NIPBL: variants seen among roughly 807,000 people sequenced by gnomAD.
NIPBL encodes nipped-B-like protein.
A neutral mutation model predicts 321.8 loss-of-function variants in NIPBL; 19 were observed. The ratio of observed to expected loss-of-function variants is 0.06; its 90% confidence interval spans 0.04 to 0.09. The LOEUF (loss-of-function observed/expected upper bound fraction) is 0.09, where lower values mean the gene tolerates loss of function less well. Ranked by LOEUF, NIPBL falls within the 10% of genes least tolerant of loss-of-function variation. The probability of loss-of-function intolerance (pLI) is 1.00; values close to 1 mark genes in which losing one functional copy is unlikely to be tolerated. For missense variants in NIPBL, 2,210 were observed against 3,327.0 expected, an observed-to-expected ratio of 0.66 and a Z score of 8.26; for synonymous variants, 1,106 against 1,114.1, an observed-to-expected ratio of 0.99 and a Z score of 0.14.
intron 9 of NIPBL, among the ~76,000 whole-genome samples, chr5:36,980,301 A>T (rs1015967124): frequency 2.0e-5 from 3 of 151,698 alleles, no homozygotes; most frequent in Non-Finnish European, 4.4e-5. Context: ...TTGACATTCA[A>T]TTTTGGTGAA....
At chr5:36,984,631 A>G (rs1744533595) in intron 9 of NIPBL, 45 bp from the exon 10 acceptor site, 9 of 1,526,616 alleles carry the variant, frequency 5.9e-6, no homozygotes, top group Non-Finnish European at 8.1e-6. Flanking sequence ...ATAAGATAAG[A>G]ATACATGTCT....
intron 1 of NIPBL, among the ~76,000 whole-genome samples, chr5:36,952,018 C>CTGTGTGTGTGTGTG (rs60067315): frequency 0.019 from 1,890 of 101,674 alleles, 35 homozygotes; most frequent in East Asian, 0.037. Context: ...CTCTGTTAAA[C>CTGTGTGTGTGTGTG]TGTGTGTGTG....
chr5:37,050,531 G>T (rs920379788), intron 40 of NIPBL, among the ~76,000 whole-genome samples: 1 of 150,562 alleles, frequency 6.6e-6, no homozygotes, highest in African/African-American at 2.4e-5. Context: ...GTGATACGAT[G>T]AATTCCTTTA....
intron 9 of NIPBL, among the ~76,000 whole-genome samples, chr5:36,983,985 A>G (rs1216216450): frequency 6.6e-6 from 1 of 151,968 alleles, no homozygotes; most frequent in African/African-American, 2.4e-5. Flanking sequence ...TAAATTTTCT[A>G]TACCTATGAA....
intron 38 of NIPBL, 76 bp from the exon 39 acceptor site, chr5:37,048,426 T>A: frequency 1.8e-5 from 16 of 901,854 alleles, no homozygotes; most frequent in East Asian, 3.6e-5. Context: ...GTTTATATAA[T>A]TTATTAACAT....
chr5:37,026,868 G>A (rs1359323669), intron 31 of NIPBL, among the ~76,000 whole-genome samples: 4 of 151,190 alleles, frequency 2.6e-5, no homozygotes, highest in Non-Finnish European at 5.9e-5. Context: ...CCTGTGAATA[G>A]GCACTACACT....
intron 1 of NIPBL, among the ~76,000 whole-genome samples, chr5:36,882,810 G>A (rs1024465765): frequency 6.6e-6 from 1 of 151,634 alleles, no homozygotes; most frequent in African/African-American, 2.4e-5. Context: ...TTTTTCTTGT[G>A]GAGCTTACAA....
At chr5:37,036,083 A>G (rs967392894) in intron 32 of NIPBL, among the ~76,000 whole-genome samples, 2 of 152,000 alleles carry the variant, frequency 1.3e-5, no homozygotes, top group African/African-American at 2.4e-5. Context: ...CATCTTTTCT[A>G]CATCTTTCAC....
At position 37,065,766 on chromosome 5, in the gene NIPBL, G is replaced by T. The variant is rs1755303076; in HGVS notation, c.*874G>T. On this transcript the variant is annotated 3_prime_UTR_variant, in exon 47 of 47. Transcript: ENST00000282516. ...TATTAACTATATATGATTTAGCACT[G>T]TGCCAAACACATTTTCAAGAGTACA... 6.6e-6 allele frequency: 1 copy of T among 152,554 alleles called. No individual in the cohort carries two copies. The highest frequency in any genetic ancestry group is 1.5e-5 in the Non-Finnish European group (1 of 68,016). The allele number at this position is 152,554 out of a possible 1,614,324, so 9.5% of individuals were successfully genotyped here. A position where few individuals can be genotyped will look rare whatever the true frequency, so the allele number is the denominator to read the frequency against.
At chr5:37,025,418 C>A (rs1023297212) in intron 30 of NIPBL, among the ~76,000 whole-genome samples, 3 of 151,918 alleles carry the variant, frequency 2.0e-5, no homozygotes, top group Non-Finnish European at 4.4e-5. Context: ...AAGCCAGACA[C>A]AGAAAATAGC....
intron 1 of NIPBL, among the ~76,000 whole-genome samples, chr5:36,933,500 T>G (rs1202636250): frequency 6.6e-6 from 1 of 152,124 alleles, no homozygotes; most frequent in African/African-American, 2.4e-5. Flanking sequence ...GACTTTAGTC[T>G]TGGATGGATG....
chr5:37,035,898 C>T (rs1281016724), intron 32 of NIPBL, among the ~76,000 whole-genome samples: 2 of 152,136 alleles, frequency 1.3e-5, no homozygotes, highest in East Asian at 1.9e-4. Context: ...ATTCATAACA[C>T]TTTTCTAGCA....
At chr5:37,029,108 A>G (rs1281153195) in intron 32 of NIPBL, among the ~76,000 whole-genome samples, 1 of 152,220 alleles carries the variant, frequency 6.6e-6, no homozygotes, top group Non-Finnish European at 1.5e-5. Context: ...GCATCACAGC[A>G]GGAAGCACAT....
In NIPBL at chr5:36,917,626, A is replaced by G. The variant is rs562149636; in HGVS notation, c.-79-35992A>G. On this transcript the variant is annotated intron_variant, in intron 1 of 46. Transcript: ENST00000282516. ...GCCTATGTCCTGAATGGTATTGCCTAGGTTTTCTTCTAGGGTTTTTATGGT... is the reference window on the plus strand; with the variant it reads ...GCCTATGTCCTGAATGGTATTGCCTGGGTTTTCTTCTAGGGTTTTTATGGT... 9.3e-4 allele frequency among the ~76,000 whole-genome samples: 141 copies of G among 152,212 alleles called. 2 individuals carry two copies. The highest frequency in any genetic ancestry group is 3.2e-3 in the African/African-American group (133 of 41,510).
chr5:37,023,750 C>CTTTTTTT (rs779595045), intron 29 of NIPBL, among the ~76,000 whole-genome samples: 98 of 75,806 alleles, frequency 1.3e-3, no homozygotes, highest in African/African-American at 2.3e-3. Context: ...TTTTCTTATT[C>CTTTTTTT]TTTTTTTTTT....
chr5:37,052,752 T>A (rs1377571167), intron 42 of NIPBL, among the ~76,000 whole-genome samples, 186 bp downstream of exon 42: 1 of 152,200 alleles, frequency 6.6e-6, no homozygotes, highest in Non-Finnish European at 1.5e-5. Context: ...TGTATGAGAA[T>A]AAGTGTAATG....
intron 29 of NIPBL, among the ~76,000 whole-genome samples, chr5:37,022,714 G>A (rs890262260): frequency 1.3e-5 from 2 of 152,114 alleles, no homozygotes; most frequent in Non-Finnish European, 1.5e-5. Context: ...GTGATTTTAT[G>A]TATATATTTA....
At position 37,002,642 on chromosome 5, in the gene NIPBL, T is replaced by C; in HGVS notation, c.3665-20T>C. 1.3e-6 allele frequency: 2 copies of C among 1,484,408 alleles called. No homozygotes were observed. Among genetic ancestry groups the C allele is most frequent in the Non-Finnish European group, 1.9e-6 (2 of 1,061,962 alleles). The allele number at this position is 1,484,408 out of a possible 1,614,324, so 92.0% of individuals were successfully genotyped here. On this transcript the variant is annotated intron_variant, in intron 14 of 46. Coordinates refer to ENST00000282516, the MANE Select transcript of NIPBL (RefSeq NM_133433.4). ...TATTTACCTAAACTTTGTTTGTGTT[T>C]GTTTGGCTTGATTTTGCAGGTGATG...
intron 11 of NIPBL, among the ~76,000 whole-genome samples, chr5:36,998,783 TACAC>T (rs1192478900): frequency 6.6e-6 from 1 of 152,140 alleles, no homozygotes; most frequent in Non-Finnish European, 1.5e-5. Context: ...CTGTCACACA[TACAC>T]ACACCCTACT....
Sources: gnomAD v4.1 joint callset for allele counts (sites outside exome capture counted in the v4.1 genomes callset) on GRCh38, gnomAD v4.1.1 for gene constraint, MANE v1.5 for transcripts, NCBI Gene and HGNC (gene_info 2026-07-23, HGNC 2026-07-21) for gene names.